Variants in NSG1 observed in about 807,000 individuals in gnomAD.
NSG1 encodes the protein neuronal vesicle trafficking associated 1, also known as neuronal vesicle trafficking-associated protein 1.
NSG1 carries 9 observed loss-of-function variants against 19.3 expected under a neutral mutation model. That is an observed-to-expected ratio of 0.47 (90% CI 0.28 to 0.81). NSG1 has a LOEUF of 0.81. NSG1 is among the 40% of genes least tolerant of loss of function. The pLI is 0.11. For synonymous variants in NSG1, 104 were observed against 107.0 expected (o/e 0.97, Z 0.17); for missense variants, 236 against 242.4 (o/e 0.97, Z 0.18).
At chr4:4,392,927 C>T (rs1203798690) in intron 3 of NSG1, among the ~76,000 whole-genome samples, 3 of 152,078 alleles carry the variant, frequency 2.0e-5, no homozygotes, top group African/African-American at 4.8e-5. Context: ...CTCGGCCCAT[C>T]GTACGTTTTT....
intron 4 of NSG1, among the ~76,000 whole-genome samples, chr4:4,411,786 A>AACAC (rs150776834): frequency 0.2 from 28,453 of 142,014 alleles, 5,414 homozygotes; most frequent in African/African-American, 0.52. Context: ...AACAAAACAA[A>AACAC]ACAAAACATT....
rs185330296 is a variant in NSG1, at chr4:4,397,227, A to C, written c.246+5636A>C. 2.6e-3 allele frequency among the ~76,000 whole-genome samples: 386 copies of C among 148,298 alleles called. 1 individual carries two copies. The highest frequency in any genetic ancestry group is 9.4e-3 in the African/African-American group (375 of 39,906). ...TCTCCCTCCGCCTGAGGGTAGGAGGATGGGGAGAGTAACAGCAGCCACCCA... is the reference window on the plus strand; with the variant it reads ...TCTCCCTCCGCCTGAGGGTAGGAGGCTGGGGAGAGTAACAGCAGCCACCCA... On this transcript the variant is annotated intron_variant, in intron 3 of 4. Transcript: ENST00000621129.
chr4:4,401,488 C>A (rs773850696), intron 3 of NSG1, among the ~76,000 whole-genome samples: 5 of 152,192 alleles, frequency 3.3e-5, no homozygotes, highest in African/African-American at 1.2e-4. Flanking sequence ...CAAACCCTTT[C>A]TTCCTGCTGG....
chr4:4,387,994 G>A (rs866014967), intron 2 of NSG1, among the ~76,000 whole-genome samples: 1 of 148,704 alleles, frequency 6.7e-6, no homozygotes. Context: ...AGTGGAACGC[G>A]GTGGGGCAAG....
chr4:4,405,484 C>G (rs1337135484), intron 3 of NSG1, among the ~76,000 whole-genome samples: 1 of 152,166 alleles, frequency 6.6e-6, no homozygotes, highest in African/African-American at 2.4e-5. Flanking sequence ...CATGGTTCCC[C>G]CACTTTGGCG....
At chr4:4,410,871 T>C (rs1724141655) in intron 4 of NSG1, among the ~76,000 whole-genome samples, 1 of 152,202 alleles carries the variant, frequency 6.6e-6, no homozygotes, top group African/African-American at 2.4e-5. Context: ...ACTTTTTGTG[T>C]GTGTGTGATG....
intron 4 of NSG1, among the ~76,000 whole-genome samples, chr4:4,417,010 C>G (rs1360802761): frequency 6.6e-6 from 1 of 152,180 alleles, no homozygotes; most frequent in African/African-American, 2.4e-5. Flanking sequence ...GCCCAAGTGC[C>G]CATCTGCCAT....
rs7664650 is a variant in NSG1 at position 4,392,174 on chromosome 4, A to G, written c.246+583A>G. Among the ~76,000 whole-genome samples the G allele has an allele frequency of 1.6e-3, 230 of 148,136 alleles. 1 individual carries two copies. Among genetic ancestry groups the G allele is most frequent in the Admixed American group, 2.9e-3 (43 of 14,598 alleles). The stretch of plus-strand genomic sequence containing the variant: ...ATCCTCCATCCTTCCCCCCATCCCA[A>G]TGGGATGAAGGGGTGCTGCTGAGAG... On this transcript the variant is annotated intron_variant, in intron 3 of 4. Coordinates refer to ENST00000621129, the MANE Select transcript of NSG1 (RefSeq NM_014392.5).
intron 4 of NSG1, among the ~76,000 whole-genome samples, chr4:4,413,149 G>GC (rs1724310811): frequency 6.6e-6 from 1 of 152,102 alleles, no homozygotes; most frequent in African/African-American, 2.4e-5. Flanking sequence ...GTCAGGTACA[G>GC]CCCCCTGCCT....
intron 4 of NSG1, 48 bp downstream of exon 4, chr4:4,409,731 A>G (rs1724068569): frequency 2.1e-6 from 3 of 1,436,840 alleles, no homozygotes; most frequent in African/African-American, 1.4e-5. Context: ...TTTGCACCCC[A>G]TGTTCTCTCC....
chr4:4,402,223 T>TC (rs398106938), intron 3 of NSG1, among the ~76,000 whole-genome samples: 3 of 150,758 alleles, frequency 2.0e-5, no homozygotes, highest in South Asian at 2.1e-4. Flanking sequence ...TTTTTTTTTT[T>TC]CGAGATGGGG....
intron 4 of NSG1, among the ~76,000 whole-genome samples, chr4:4,410,369 C>T (rs527887671): frequency 2.6e-5 from 4 of 152,340 alleles, no homozygotes; most frequent in South Asian, 4.1e-4. Context: ...GGCCTGGCCA[C>T]GCATCACTTA....
At chr4:4,412,283 A>G (rs1724252420) in intron 4 of NSG1, among the ~76,000 whole-genome samples, 1 of 151,682 alleles carries the variant, frequency 6.6e-6, no homozygotes, top group African/African-American at 2.4e-5. Flanking sequence ...CCTGGGTGGG[A>G]GATGACCCAG....
intron 3 of NSG1, among the ~76,000 whole-genome samples, chr4:4,394,788 C>G (rs1723170143): frequency 6.6e-6 from 1 of 152,220 alleles, no homozygotes; most frequent in African/African-American, 2.4e-5. Context: ...GAATGGGGTA[C>G]TTGGCGAGAT....
At chr4:4,390,878 G>C (rs533204970) in intron 2 of NSG1, among the ~76,000 whole-genome samples, 106 of 152,242 alleles carry the variant, frequency 7.0e-4, no homozygotes, top group African/African-American at 2.4e-3. Flanking sequence ...CTTCACAGTA[G>C]GGGGTGGAGG....
In NSG1 at chr4:4,406,153, G is replaced by T. The variant is rs535436531; in HGVS notation, c.247-3420G>T. On this transcript the variant is annotated intron_variant, in intron 3 of 4. Coordinates refer to ENST00000621129, the MANE Select transcript of NSG1 (RefSeq NM_014392.5). ...AGCGATTCTCCTGCCTCAGCCTCCT[G>T]AGTAGCTGGGATTACAGGCACTCAC... Among the ~76,000 whole-genome samples, 140 of 152,256 alleles carry T rather than the reference G, an allele frequency of 9.2e-4. 1 individual carries two copies. The highest frequency in any genetic ancestry group is 3.1e-3 in the African/African-American group (127 of 41,540).
At chr4:4,395,537 C>T (rs1445637415) in intron 3 of NSG1, among the ~76,000 whole-genome samples, 5 of 152,076 alleles carry the variant, frequency 3.3e-5, no homozygotes, top group Non-Finnish European at 4.4e-5. Flanking sequence ...GAGGGCTGGG[C>T]GGGTCTCTCT....
chr4:4,401,879 T>C (rs1377696692), intron 3 of NSG1, among the ~76,000 whole-genome samples: 1 of 151,976 alleles, frequency 6.6e-6, no homozygotes, highest in Non-Finnish European at 1.5e-5. Context: ...CCAGTGTCAG[T>C]ATGATGATGA....
intron 3 of NSG1, among the ~76,000 whole-genome samples, chr4:4,396,102 G>A (rs1057489035): frequency 6.6e-6 from 1 of 152,208 alleles, no homozygotes; most frequent in African/African-American, 2.4e-5. Context: ...GAAAGCAGTC[G>A]CTTAATTAAC....
Sources: gnomAD v4.1 joint callset for allele counts (sites outside exome capture counted in the v4.1 genomes callset) on GRCh38, gnomAD v4.1.1 for gene constraint, MANE v1.5 for transcripts, NCBI Gene and HGNC (gene_info 2026-07-23, HGNC 2026-07-21) for gene names.